TF: variants seen among roughly 807,000 people sequenced by gnomAD.
The protein encoded by TF is transferrin.
A neutral mutation model predicts 82.4 loss-of-function variants in TF; 55 were observed. The ratio of observed to expected loss-of-function variants is 0.67; its 90% CI spans 0.54 to 0.84. TF has a LOEUF of 0.84. TF is among the 40% of genes least tolerant of loss of function. The pLI, the probability that TF is intolerant of heterozygous loss-of-function variation, is 0.00. For synonymous variants in TF, 332 were observed against 332.6 expected, an observed-to-expected ratio of 1.00 and a Z score of 0.02; for missense variants, 737 against 868.4, an observed-to-expected ratio of 0.85 and a Z score of 1.90.
At chr3:133,768,211 G>C (rs900581906) in intron 13 of TF, 47 bp downstream of exon 13, 1 of 1,611,324 alleles carries the variant, frequency 6.2e-7, no homozygotes, top group Non-Finnish European at 8.5e-7. Flanking sequence ...ACAAGCCCTG[G>C]CCAGATTTCT....
At chr3:133,730,987 C>G in the TF span, among the ~76,000 whole-genome samples, 1 of 152,212 alleles carries the variant, frequency 6.6e-6, no homozygotes, top group African/African-American at 2.4e-5. Flanking sequence ...TTTAAAACAA[C>G]TAAAAGGGTA....
At chr3:133,772,483 T>A (rs1310273694) in intron 14 of TF, among the ~76,000 whole-genome samples, 2 of 152,294 alleles carry the variant, frequency 1.3e-5, no homozygotes, top group Admixed American at 1.3e-4. Context: ...ATGTAGAGAG[T>A]ACATTGGCAT....
the TF span, among the ~76,000 whole-genome samples, chr3:133,735,792 A>G: frequency 1.3e-5 from 2 of 152,200 alleles, no homozygotes; most frequent in Non-Finnish European, 1.5e-5. Context: ...GCCTCCAAGA[A>G]ATATGGGACT....
chr3:133,718,976 G>A, the TF span, among the ~76,000 whole-genome samples: 1 of 152,088 alleles, frequency 6.6e-6, no homozygotes, highest in African/African-American at 2.4e-5. Flanking sequence ...AGGTATAGAG[G>A]GACCTGAAGA....
At chr3:133,736,036 T>C in the TF span, among the ~76,000 whole-genome samples, 15 of 151,886 alleles carry the variant, frequency 9.9e-5, no homozygotes, top group Admixed American at 9.8e-4. Flanking sequence ...GAAGAAAAAA[T>C]GTTAAGGGCA....
chr3:133,795,484 G>C lies in TF; in HGVS notation c.*16864G>C, dbSNP rs1466116283. ...GATGTGCTGAGTCCAAAAGCCCAAA[G>C]TGTTGGTAACTGAGAGTGGTGCTAA... On this transcript the variant is annotated 3_prime_UTR_variant, in exon 17 of 17. Transcript: ENST00000402696. The C allele has an allele frequency of 6.6e-6, 1 of 151,870 alleles. No individual in the cohort carries two copies. 9.4% of individuals were successfully genotyped at this position (151,870 alleles called of 1,614,324 possible). A position where few individuals can be genotyped will look rare whatever the true frequency, so the allele number is the denominator to read the frequency against.
chr3:133,767,747 C>T (rs950420465), intron 12 of TF, among the ~76,000 whole-genome samples: 1 of 152,196 alleles, frequency 6.6e-6, no homozygotes, highest in African/African-American at 2.4e-5. Flanking sequence ...CCTTTCATGA[C>T]ATTTTTCATC....
At chr3:133,671,649 C>T in the TF span, among the ~76,000 whole-genome samples, 7 of 151,666 alleles carry the variant, frequency 4.6e-5, no homozygotes, top group African/African-American at 7.3e-5. Context: ...AAAAATTACC[C>T]GGGTGCTCTG....
Position 133,770,548 on chromosome 3 carries a change from C to T in TF, c.1663C>T (p.Gln555Ter), listed in dbSNP as rs1559876996. 6.2e-7 allele frequency: 1 copy of T among 1,614,106 alleles called. No individual in the cohort carries two copies. Among genetic ancestry groups the T allele is most frequent in the Non-Finnish European group, 8.5e-7 (1 of 1,180,010 alleles). ...EKGDVAFVKH[Q>*]TVPQNTGGKN... ...GGGAGATGTGGCCTTTGTGAAACAC[C>T]AGACTGTCCCACAGAACACTGGGGG... The change falls in exon 14 of 17, where the codon CAG becomes TAG. Residue 555 changes from glutamine (Q) to a stop codon, truncating the protein, a stop_gained. Transcript: ENST00000402696. LOFTEE classifies it high-confidence loss of function.
At chr3:133,722,398 A>G in the TF span, among the ~76,000 whole-genome samples, 5 of 152,128 alleles carry the variant, frequency 3.3e-5, no homozygotes, top group African/African-American at 9.6e-5. Flanking sequence ...AATGTAACCC[A>G]TTTACATTCA....
intron 16 of TF, 85 bp downstream of exon 16, chr3:133,777,323 C>T (rs915891655): frequency 2.0e-5 from 28 of 1,377,408 alleles, no homozygotes; most frequent in Admixed American, 1.2e-4. Flanking sequence ...GAGGGGTAGG[C>T]TGTGGCCCTT....
At chr3:133,734,805 A>T in the TF span, among the ~76,000 whole-genome samples, 1 of 1,230 alleles carries the variant, frequency 8.1e-4, no homozygotes, top group South Asian at 0.056. Flanking sequence ...GAGTTTCTTA[A>T]AAAAAAAAAA....
rs1934906310 is a variant in TF, at chr3:133,793,924, C to T, written c.*15304C>T. The T allele has an allele frequency of 1.3e-5, 2 of 151,950 alleles. No individual in the cohort carries two copies. The highest frequency in any genetic ancestry group is 2.9e-5 in the Non-Finnish European group (2 of 67,972). The allele number at this position is 151,950 out of a possible 1,614,324, so 9.4% of individuals were successfully genotyped here. On this transcript the variant is annotated 3_prime_UTR_variant, in exon 17 of 17. Coordinates refer to ENST00000402696, the MANE Select transcript of TF (RefSeq NM_001063.4). The stretch of plus-strand genomic sequence containing the variant: ...CTGACTGAGTTCTAAAACTGCTAAC[C>T]CAAGTAGAACAAAAATTAATTAAAT...
chr3:133,739,137 C>T, the TF span, among the ~76,000 whole-genome samples: 1 of 152,166 alleles, frequency 6.6e-6, no homozygotes, highest in East Asian at 1.9e-4. Flanking sequence ...TGGAACAGAA[C>T]AGAGGCCTCA....
In TF at chr3:133,759,125, A is replaced by G. The variant is rs747319837; in HGVS notation, c.1049-50A>G. The G allele has an allele frequency of 3.7e-6, 6 of 1,612,482 alleles. No homozygotes were observed. The African/African-American group carries it at 8.0e-5, about 22-fold the overall frequency. On this transcript the variant is annotated intron_variant, in intron 8 of 16. Transcript: ENST00000402696. ...ACAGTGAGTAGTGCTGACAAACACC[A>G]GGCAACAGCTAGGGCCGCTTCTGAT...
intron 1 of TF, among the ~76,000 whole-genome samples, chr3:133,747,910 G>A (rs960132686): frequency 9.9e-5 from 15 of 151,268 alleles, no homozygotes; most frequent in Non-Finnish European, 2.2e-4. Flanking sequence ...CTTGGCCAAC[G>A]ACAAGCAGGG....
the TF span, among the ~76,000 whole-genome samples, chr3:133,663,549 A>G: frequency 1.3e-5 from 2 of 152,120 alleles, no homozygotes; most frequent in African/African-American, 4.8e-5. Flanking sequence ...AATAACAATT[A>G]ATATTTCTAG....
the TF span, among the ~76,000 whole-genome samples, chr3:133,732,241 G>T: frequency 6.6e-6 from 1 of 152,218 alleles, no homozygotes; most frequent in African/African-American, 2.4e-5. Context: ...GGTGAAGCTG[G>T]CTGGGCTTCT....
In TF at chr3:133,792,169, C is replaced by G. The variant is rs150388097; in HGVS notation, c.*13549C>G. The G allele has an allele frequency of 3.0e-4, 45 of 152,178 alleles. 1 individual carries two copies. Among genetic ancestry groups the G allele is most frequent in the African/African-American group, 1.1e-3 (45 of 41,522 alleles). The allele number at this position is 152,178 out of a possible 1,614,324, so 9.4% of individuals were successfully genotyped here. A position where few individuals can be genotyped will look rare whatever the true frequency, so the allele number is the denominator to read the frequency against. On this transcript the variant is annotated 3_prime_UTR_variant, in exon 17 of 17. Coordinates refer to ENST00000402696, the MANE Select transcript of TF (RefSeq NM_001063.4). The stretch of plus-strand genomic sequence containing the variant: ...AAGGCCTGGGGACAAATAGAATTAG[C>G]CATGTCCCCTAGCTATGCAAAGAAG...
Sources: gnomAD v4.1 joint callset for allele counts (sites outside exome capture counted in the v4.1 genomes callset) on GRCh38, gnomAD v4.1.1 for gene constraint, MANE v1.5 for transcripts, NCBI Gene and HGNC (gene_info 2026-07-23, HGNC 2026-07-21) for gene names.